The following ADAMTS18 variants were observed in gnomAD, a reference collection of about 807,000 sequenced individuals.
ADAMTS18 encodes A disintegrin and metalloproteinase with thrombospondin motifs 18.
A neutral mutation model predicts 165.9 loss-of-function variants in ADAMTS18; 157 were observed. The observed-to-expected ratio is 0.95, with a 90% CI of 0.83 to 1.08. ADAMTS18 has a LOEUF of 1.08. Among genes scored for constraint, ADAMTS18 ranks in the 50% least tolerant of loss-of-function variants. The pLI, the probability that ADAMTS18 is intolerant of heterozygous loss-of-function variation, is 0.00. For synonymous variants in ADAMTS18, 782 were observed against 578.2 expected (o/e 1.35, Z -5.06); for missense variants, 2,040 against 1,534.0 (o/e 1.33, Z -5.51).
At chr16:77,370,612 T>A (rs1359809604) in intron 3 of ADAMTS18, among the ~76,000 whole-genome samples, 1 of 152,042 alleles carries the variant, frequency 6.6e-6, no homozygotes, top group East Asian at 1.9e-4. Flanking sequence ...TAGCCGGGCA[T>A]GATGGTGGGC....
At chr16:77,420,270 T>A (rs952329252) in intron 3 of ADAMTS18, among the ~76,000 whole-genome samples, 2 of 152,116 alleles carry the variant, frequency 1.3e-5, no homozygotes, top group Non-Finnish European at 2.9e-5. Context: ...AACTAGCATT[T>A]GAACATACCA....
At chr16:77,391,573 C>G in intron 3 of ADAMTS18, among the ~76,000 whole-genome samples, 1 of 151,836 alleles carries the variant, frequency 6.6e-6, no homozygotes, top group Middle Eastern at 3.2e-3. Context: ...TTGAGTATTC[C>G]TAACAGAGTA....
intron 3 of ADAMTS18, among the ~76,000 whole-genome samples, chr16:77,414,487 A>G (rs1486759611): frequency 6.6e-6 from 1 of 152,244 alleles, no homozygotes; most frequent in Non-Finnish European, 1.5e-5. Context: ...ATTAAAATAT[A>G]ATACCAACAT....
chr16:77,401,494 C>T (rs2057331101), intron 3 of ADAMTS18, among the ~76,000 whole-genome samples: 1 of 152,176 alleles, frequency 6.6e-6, no homozygotes, highest in East Asian at 1.9e-4. Flanking sequence ...CCCACAGTCA[C>T]CAAATGGTGA....
intron 11 of ADAMTS18, among the ~76,000 whole-genome samples, chr16:77,337,294 G>A (rs538410375): frequency 1.3e-5 from 2 of 152,124 alleles, no homozygotes; most frequent in Non-Finnish European, 2.9e-5. Context: ...TGAGTTCAGT[G>A]GCTGAGACAA....
At chr16:77,362,945 C>T (rs1268265462) in intron 6 of ADAMTS18, among the ~76,000 whole-genome samples, 1 of 152,186 alleles carries the variant, frequency 6.6e-6, no homozygotes, top group Non-Finnish European at 1.5e-5. Flanking sequence ...CACGCCTTTT[C>T]TGTCTTTCTA....
chr16:77,354,385 C>A (rs145536821), intron 9 of ADAMTS18, among the ~76,000 whole-genome samples: 2 of 151,876 alleles, frequency 1.3e-5, no homozygotes, highest in Admixed American at 6.6e-5. Context: ...GCCTTACAGA[C>A]AAAAATAAAT....
At chr16:77,430,626 T>C (rs765855583) in intron 3 of ADAMTS18, among the ~76,000 whole-genome samples, 65 of 152,330 alleles carry the variant, frequency 4.3e-4, no homozygotes, top group African/African-American at 1.2e-3. Flanking sequence ...GTATATTTGA[T>C]TGAATCCTGA....
At chr16:77,378,969 G>C (rs1018488198) in intron 3 of ADAMTS18, 1 of 152,074 alleles carries the variant, frequency 6.6e-6, no homozygotes, top group Admixed American at 6.6e-5. Flanking sequence ...AACTAAGCAA[G>C]GTTTGAAGAC....
At chr16:77,404,321 T>C (rs1395833750) in intron 3 of ADAMTS18, among the ~76,000 whole-genome samples, 1 of 152,158 alleles carries the variant, frequency 6.6e-6, no homozygotes, top group Admixed American at 6.6e-5. Flanking sequence ...CAAATAGATT[T>C]GGAGGATACC....
chr16:77,283,281 T>C lies in ADAMTS18; in HGVS notation c.*675A>G, dbSNP rs2055183426. On this transcript the variant is annotated 3_prime_UTR_variant, in exon 23 of 23. Transcript: ENST00000282849. ...TTACATGGAGATCTTAAACAGTCCA[T>C]GTTGCCCTATTTTCATAATATTCCT... 1 of 152,872 alleles carries C rather than the reference T, an allele frequency of 6.5e-6. No individual in the cohort carries two copies. Among genetic ancestry groups the C allele is most frequent in the Non-Finnish European group, 1.5e-5 (1 of 68,262 alleles). The allele number at this position is 152,872 out of a possible 1,614,324, so 9.5% of individuals were successfully genotyped here. A position where few individuals can be genotyped will look rare whatever the true frequency, so the allele number is the denominator to read the frequency against.
intron 10 of ADAMTS18, among the ~76,000 whole-genome samples, chr16:77,347,188 A>T (rs1322502987): frequency 6.6e-6 from 1 of 152,186 alleles, no homozygotes; most frequent in Admixed American, 6.5e-5. Flanking sequence ...CTGCTTGCAC[A>T]TTCACCTTTT....
chr16:77,344,719 G>A (rs1405373462), intron 10 of ADAMTS18, among the ~76,000 whole-genome samples: 1 of 145,796 alleles, frequency 6.9e-6, no homozygotes, highest in Non-Finnish European at 1.5e-5. Context: ...GGCAGCTGGA[G>A]AGAACCAGGA....
rs371636262 is a variant in ADAMTS18 at position 77,285,314 on chromosome 16, A to T, written c.3551-1243T>A. ...AAGCCTCCTGGGTAGCTGGGATTAC[A>T]GGCACCCACCACCACGCCCAGTTAA... On this transcript the variant is annotated intron_variant, in intron 22 of 22. Coordinates refer to ENST00000282849, the MANE Select transcript of ADAMTS18 (RefSeq NM_199355.4). Among the ~76,000 whole-genome samples the T allele has an allele frequency of 2.6e-4, 39 of 152,272 alleles. No individual in the cohort carries two copies. The East Asian group carries it at 6.6e-3, about 26-fold the overall frequency.
rs979241407 is a variant in ADAMTS18, at chr16:77,294,849, T to C, written c.3006+74A>G. 20 of 1,422,956 alleles carry C rather than the reference T, an allele frequency of 1.4e-5. No individual in the cohort carries two copies. The Middle Eastern group carries it at 6.0e-4, about 43-fold the overall frequency. 88.1% of individuals were successfully genotyped at this position (1,422,956 alleles called of 1,614,324 possible). A position where few individuals can be genotyped will look rare whatever the true frequency, so the allele number is the denominator to read the frequency against. On this transcript the variant is annotated intron_variant, in intron 19 of 22. Transcript: ENST00000282849. ...AACATGTAAACTGCCAAGAGCCCAGTGGAGAGCAAAGACACCTCTACTTTT... is the reference window on the plus strand; with the variant it reads ...AACATGTAAACTGCCAAGAGCCCAGCGGAGAGCAAAGACACCTCTACTTTT...
intron 3 of ADAMTS18, among the ~76,000 whole-genome samples, chr16:77,409,369 C>A (rs144068147): frequency 6.6e-6 from 1 of 152,242 alleles, no homozygotes; most frequent in African/African-American, 2.4e-5. Flanking sequence ...ACGAAACAGA[C>A]ACCGAAGAAA....
At chr16:77,366,036 C>T (rs1310401259) in intron 4 of ADAMTS18, among the ~76,000 whole-genome samples, 3 of 152,162 alleles carry the variant, frequency 2.0e-5, no homozygotes, top group Non-Finnish European at 4.4e-5. Flanking sequence ...TAAATGGATG[C>T]CCCTTAATGG....
At chr16:77,430,890 G>C (rs566961937) in intron 3 of ADAMTS18, among the ~76,000 whole-genome samples, 18 of 152,182 alleles carry the variant, frequency 1.2e-4, no homozygotes, top group Non-Finnish European at 2.2e-4. Flanking sequence ...GATCTTACCA[G>C]TGCTGCTGAA....
chr16:77,341,722 G>A lies in ADAMTS18; in HGVS notation c.1692C>T (p.Thr564=), dbSNP rs770058727. ...ETKFMPAAEG[T]VCGLSMWCRQ... ...AGTTTACCATACTCAAGCCACAAAC[G>A]GTCCCTTCTGCTGCGGGCATAAACT... Residue 564 remains threonine, a synonymous_variant, in exon 11 of 23, where the codon ACC becomes ACT. Coordinates refer to ENST00000282849, the MANE Select transcript of ADAMTS18 (RefSeq NM_199355.4). The A allele has an allele frequency of 1.1e-5, 18 of 1,613,350 alleles. No homozygotes were observed. The East Asian group carries it at 1.8e-4, about 16-fold the overall frequency.
Sources: gnomAD v4.1 joint callset for allele counts (sites outside exome capture counted in the v4.1 genomes callset) on GRCh38, gnomAD v4.1.1 for gene constraint, MANE v1.5 for transcripts, NCBI Gene and HGNC (gene_info 2026-07-23, HGNC 2026-07-21) for gene names.